The following XPO1 variants were observed in gnomAD, a reference collection of about 807,000 sequenced individuals.
XPO1 encodes the protein exportin 1.
Under a neutral mutation model 133.3 loss-of-function variants are expected in XPO1, and 5 were observed. The ratio of observed to expected loss-of-function variants is 0.04; its 90% CI spans 0.02 to 0.08. The LOEUF is 0.08. Ranked by LOEUF, XPO1 falls within the 10% of genes least tolerant of loss-of-function variation. The pLI, the probability that XPO1 is intolerant of heterozygous loss-of-function variation, is 1.00. For missense variants in XPO1, 506 were observed against 1,267.5 expected (o/e 0.40, Z 9.12); for synonymous variants, 419 against 408.2 (o/e 1.03, Z -0.32).
At chr2:61,509,397 C>T (rs928035593) in intron 4 of XPO1, among the ~76,000 whole-genome samples, 1 of 152,040 alleles carries the variant, frequency 6.6e-6, no homozygotes, top group Non-Finnish European at 1.5e-5. Flanking sequence ...CAACACAAGG[C>T]GGGCGGCTCA....
chr2:61,528,468 A>C (rs1220346019), intron 2 of XPO1, among the ~76,000 whole-genome samples: 2 of 151,856 alleles, frequency 1.3e-5, no homozygotes, highest in Non-Finnish European at 2.9e-5. Context: ...CCCCATCTCT[A>C]CTAAAAATAC....
At chr2:61,493,258 C>CAA in intron 12 of XPO1, 1 of 428,854 alleles carries the variant, frequency 2.3e-6, no homozygotes, top group African/African-American at 2.1e-5. Flanking sequence ...TTGAGCAACA[C>CAA]AAAATGACAC....
chr2:61,525,186 G>T, intron 3 of XPO1: 2 of 792,740 alleles, frequency 2.5e-6, no homozygotes, highest in Non-Finnish European at 3.1e-6. Flanking sequence ...TTTATGCATT[G>T]AATTCCCCTT....
chr2:61,490,169 G>A (rs1225835747), intron 17 of XPO1, among the ~76,000 whole-genome samples: 4 of 151,234 alleles, frequency 2.6e-5, no homozygotes, highest in East Asian at 1.9e-4. Context: ...GATTACAGGC[G>A]TGAGCCACCG....
intron 3 of XPO1, chr2:61,525,729 T>A: frequency 3.9e-6 from 4 of 1,028,128 alleles, no homozygotes; most frequent in Non-Finnish European, 4.7e-6. Flanking sequence ...CTAATTAATA[T>A]TTTAAAACTG....
intron 17 of XPO1, among the ~76,000 whole-genome samples, chr2:61,489,783 T>C (rs79842707): frequency 6.6e-6 from 1 of 152,048 alleles, no homozygotes; most frequent in East Asian, 1.9e-4. Flanking sequence ...CTCGATCCCC[T>C]GACCTGGTGA....
chr2:61,482,607 G>GT, intron 22 of XPO1, 68 bp from the exon 23 acceptor site: 13 of 1,277,362 alleles, frequency 1.0e-5, no homozygotes, highest in Admixed American at 3.4e-5. Context: ...GTTTTTTTTT[G>GT]TTTTGTTTTT....
intron 4 of XPO1, among the ~76,000 whole-genome samples, chr2:61,517,796 C>T (rs1230231704): frequency 1.3e-5 from 2 of 151,982 alleles, no homozygotes; most frequent in East Asian, 3.9e-4. Context: ...TTTTAATTAG[C>T]TGGGCATGGT....
chr2:61,514,884 G>A (rs1472192212), intron 4 of XPO1, among the ~76,000 whole-genome samples: 3 of 151,906 alleles, frequency 2.0e-5, no homozygotes, highest in Non-Finnish European at 4.4e-5. Context: ...AGACCAGCCA[G>A]GCCAATATGG....
chr2:61,489,350 T>G (rs1296998097), intron 17 of XPO1, among the ~76,000 whole-genome samples: 2 of 150,068 alleles, frequency 1.3e-5, no homozygotes, highest in Non-Finnish European at 3.0e-5. Flanking sequence ...GAGGCAGAGG[T>G]TGCAGTGAGC....
At chr2:61,501,017 A>G (rs1697487719) in intron 6 of XPO1, among the ~76,000 whole-genome samples, 1 of 152,188 alleles carries the variant, frequency 6.6e-6, no homozygotes. Flanking sequence ...ATTTGTATGC[A>G]AGTCTGGACT....
intron 2 of XPO1, among the ~76,000 whole-genome samples, chr2:61,531,892 G>C (rs1699169636): frequency 6.6e-6 from 1 of 151,982 alleles, no homozygotes; most frequent in Admixed American, 6.6e-5. Flanking sequence ...GTATAAACCT[G>C]GGCTAACAAG....
In XPO1 at chr2:61,506,265, A is replaced by G. The variant is rs576165346; in HGVS notation, c.302-3955T>C. The stretch of plus-strand genomic sequence containing the variant: ...GTGAAACCCTGTCTCTAATAAAAAT[A>G]CAACAAAATTAGCCAGGCATGGTGG... On this transcript the variant is annotated intron_variant, in intron 4 of 24. Transcript: ENST00000401558. Among the ~76,000 whole-genome samples, 87 of 152,194 alleles carry G rather than the reference A, an allele frequency of 5.7e-4. No individual in the cohort carries two copies. The South Asian group carries it at 7.3e-3, about 13-fold the overall frequency.
At chr2:61,514,464 A>T (rs955436751) in intron 4 of XPO1, among the ~76,000 whole-genome samples, 1 of 151,808 alleles carries the variant, frequency 6.6e-6, no homozygotes, top group Admixed American at 6.6e-5. Context: ...GTGGTGGCAC[A>T]TGCCTGTAGT....
intron 12 of XPO1, chr2:61,493,648 G>A (rs1049513057): frequency 2.4e-6 from 1 of 413,512 alleles, no homozygotes; most frequent in African/African-American, 2.1e-5. Flanking sequence ...TTAGTAGATT[G>A]GCAGGTGGCC....
intron 3 of XPO1, among the ~76,000 whole-genome samples, chr2:61,524,401 C>G (rs1698825704): frequency 1.3e-5 from 2 of 152,130 alleles, no homozygotes; most frequent in South Asian, 4.1e-4. Flanking sequence ...TTACTATTTA[C>G]TAACCTGTAT....
In XPO1 at chr2:61,493,050, G is replaced by A. The variant is rs2104438255; in HGVS notation, c.1249C>T (p.Arg417Cys). Residue 417 changes from arginine to cysteine, a missense_variant, in exon 13 of 25, where the codon CGT becomes TGT. Transcript: ENST00000401558. ...QLYLPMLFKV[R>C]LLMVSRMAKP... ...GCCATTCGACTAACCATTAATAAAC[G>A]GACCTATACTCAACAATATATCAAT... 1 of 1,589,968 alleles carries A rather than the reference G, an allele frequency of 6.3e-7. No individual in the cohort carries two copies. Among genetic ancestry groups the A allele is most frequent in the Non-Finnish European group, 8.5e-7 (1 of 1,174,402 alleles).
At position 61,483,301 on chromosome 2, in the gene XPO1, G is replaced by A; in HGVS notation, c.2678-210C>T. ...TTACTTATAAATTATAATAAGTTGT[G>A]TGAGAGCTAAACTGTGAAGATGTAA... is the stretch of plus-strand genomic sequence containing the variant. On this transcript the variant is annotated intron_variant, in intron 21 of 24. Transcript: ENST00000401558. 2 of 503,314 alleles carry A rather than the reference G, an allele frequency of 4.0e-6. 1 individual carries two copies. Among genetic ancestry groups the A allele is most frequent in the South Asian group, 5.6e-5 (2 of 35,438 alleles). 31.2% of individuals were successfully genotyped at this position (503,314 alleles called of 1,614,324 possible).
chr2:61,488,309 T>G, intron 18 of XPO1, 38 bp from the exon 19 acceptor site: 1 of 1,582,070 alleles, frequency 6.3e-7, no homozygotes, highest in Non-Finnish European at 8.7e-7. Context: ...ATTTTACCAC[T>G]AAACTTATAC....
Sources: gnomAD v4.1 joint callset for allele counts (sites outside exome capture counted in the v4.1 genomes callset) on GRCh38, gnomAD v4.1.1 for gene constraint, MANE v1.5 for transcripts, NCBI Gene and HGNC (gene_info 2026-07-23, HGNC 2026-07-21) for gene names.